PCYT1B: variants seen among roughly 807,000 people sequenced by gnomAD.
The protein encoded by PCYT1B is choline-phosphate cytidylyltransferase B.
PCYT1B carries 10 observed loss-of-function variants against 26.4 expected under a neutral mutation model. The ratio of observed to expected loss-of-function variants is 0.38; its 90% CI spans 0.23 to 0.64. PCYT1B has a LOEUF of 0.64. PCYT1B is among the 30% of genes least tolerant of loss of function. The pLI, the probability that PCYT1B is intolerant of heterozygous loss-of-function variation, is 0.56. For synonymous variants in PCYT1B, 131 were observed against 108.4 expected (o/e 1.21, Z -1.29); for missense variants, 161 against 292.7 (o/e 0.55, Z 3.28).
intron 2 of PCYT1B, among the ~76,000 whole-genome samples, chrX:24,611,263 T>C (rs933911643): frequency 1.8e-5 from 2 of 111,354 alleles, no homozygotes; most frequent in East Asian, 5.6e-4. Context: ...GTGTTTGAAA[T>C]ACTCTATAAT....
At chrX:24,626,747 A>C (rs1200553251) in intron 1 of PCYT1B, among the ~76,000 whole-genome samples, 2 of 111,943 alleles carry the variant, frequency 1.8e-5, no homozygotes, top group Non-Finnish European at 3.8e-5. Flanking sequence ...AGCTTTAAAA[A>C]ATTTTTAAAT....
At chrX:24,600,104 G>C (rs1924911546) in intron 3 of PCYT1B, among the ~76,000 whole-genome samples, 1 of 110,879 alleles carries the variant, frequency 9.0e-6, no homozygotes, top group South Asian at 3.8e-4. Context: ...GTTTCATCAT[G>C]TTGGCCAGGC....
chrX:24,638,671 C>G lies in PCYT1B; in HGVS notation c.117+8318G>C, dbSNP rs756603853. Among the ~76,000 whole-genome samples the G allele has an allele frequency of 3.6e-5, 4 of 111,505 alleles. No individual in the cohort carries two copies. The Admixed American group carries it at 3.8e-4, about 11-fold the overall frequency. Reference sequence around the variant, plus strand: ...TATTTCCCTAACAGTCACTGAGAAGCTTTGTGTGGGGCACCAGCTAAAGAT... The same window carrying G: ...TATTTCCCTAACAGTCACTGAGAAGGTTTGTGTGGGGCACCAGCTAAAGAT... On this transcript the variant is annotated intron_variant, in intron 1 of 7. Transcript: ENST00000379144.
At chrX:24,648,151 C>T (rs1361031409), upstream of PCYT1B, among the ~76,000 whole-genome samples, 1 of 111,807 alleles carries the variant, frequency 8.9e-6, no homozygotes, top group Non-Finnish European at 1.9e-5. Flanking sequence ...GGAATGTTAA[C>T]GATCAGGTGC....
At chrX:24,580,411 A>G (rs1924169294) in intron 5 of PCYT1B, among the ~76,000 whole-genome samples, 1 of 112,218 alleles carries the variant, frequency 8.9e-6, no homozygotes, top group African/African-American at 3.2e-5. Context: ...AAGGAAAAGA[A>G]GAAAAAGTGT....
At chrX:24,620,256 A>C (rs1002762141) in intron 1 of PCYT1B, among the ~76,000 whole-genome samples, 2 of 112,266 alleles carry the variant, frequency 1.8e-5, no homozygotes, top group Non-Finnish European at 3.8e-5. Flanking sequence ...TGGGGATAGA[A>C]GTAGGGATAA....
chrX:24,654,749 CA>C (rs574317952), intron 1 of PCYT1B, among the ~76,000 whole-genome samples: 4,828 of 39,572 alleles, frequency 0.12, 51 homozygotes, highest in African/African-American at 0.15. Context: ...GACCCTGTCT[CA>C]AAAAAAAAAA....
chrX:24,612,140 G>A (rs1214018811), intron 2 of PCYT1B, among the ~76,000 whole-genome samples: 1 of 112,667 alleles, frequency 8.9e-6, no homozygotes, highest in African/African-American at 3.2e-5. Context: ...TCTAGGAGCT[G>A]AGGGTGGCCT....
rs1337289759 is a variant in PCYT1B, at chrX:24,629,576, AAAAAAAAAAAAAAAC to A, written c.118-10507_118-10493del. ...CCCTGTCTCAAAAAAAAAAAAAAAA[AAAAAAAAAAAAAAAC>A]AACACGTATTTTCCAACTTTATTTA... On this transcript the variant is annotated intron_variant, in intron 1 of 7. Coordinates refer to ENST00000379144, the MANE Select transcript of PCYT1B (RefSeq NM_004845.5). Among the ~76,000 whole-genome samples the A allele has an allele frequency of 9.9e-3, 1,006 of 101,466 alleles. 11 individuals carry two copies. The highest frequency in any genetic ancestry group is 0.015 in the Non-Finnish European group (757 of 49,824). 88.1% of individuals were successfully genotyped at this position (101,466 alleles called of 115,157 possible).
intron 1 of PCYT1B, among the ~76,000 whole-genome samples, chrX:24,666,779 T>G (rs1179078442): frequency 2.7e-5 from 3 of 111,523 alleles, no homozygotes; most frequent in African/African-American, 9.8e-5. Flanking sequence ...CAAAATTAAT[T>G]TTATGCCAGT....
At chrX:24,639,430 T>G (rs1469931768) in intron 1 of PCYT1B, among the ~76,000 whole-genome samples, 1 of 111,952 alleles carries the variant, frequency 8.9e-6, no homozygotes, top group Non-Finnish European at 1.9e-5. Flanking sequence ...CAGCTCTCCC[T>G]GGCCAGATCT....
At position 24,637,509 on chromosome X, in the gene PCYT1B, T is replaced by TATATATATATATATATAAAA. The variant is rs779316769; in HGVS notation, c.117+9479_117+9480insTTTTATATATATATATATAT. 1.2e-4 allele frequency among the ~76,000 whole-genome samples: 8 copies of TATATATATATATATATAAAA among 64,062 alleles called. 1 individual carries two copies. The East Asian group carries it at 4.0e-3, about 32-fold the overall frequency. The allele number at this position is 64,062 out of a possible 115,157, so 55.6% of individuals were successfully genotyped here. ...AAAAAAAAATATATATATATATATA[T>TATATATATATATATATAAAA]ATAAATTAGCTGAGCGTGGTGGCGT... On this transcript the variant is annotated intron_variant, in intron 1 of 7. Coordinates refer to ENST00000379144, the MANE Select transcript of PCYT1B (RefSeq NM_004845.5).
intron 2 of PCYT1B, among the ~76,000 whole-genome samples, chrX:24,614,516 C>T (rs373160481): frequency 8.1e-5 from 9 of 110,993 alleles, no homozygotes; most frequent in African/African-American, 1.3e-4. Flanking sequence ...GCCAACATGG[C>T]GAAACCAGCT....
At chrX:24,594,896 G>A (rs903345107) in intron 3 of PCYT1B, among the ~76,000 whole-genome samples, 1 of 111,149 alleles carries the variant, frequency 9.0e-6, no homozygotes, top group African/African-American at 3.3e-5. Context: ...AACAGACTCG[G>A]GTTCTAATCC....
At chrX:24,598,716 A>C (rs1924867650) in intron 3 of PCYT1B, among the ~76,000 whole-genome samples, 1 of 112,247 alleles carries the variant, frequency 8.9e-6, no homozygotes, top group African/African-American at 3.2e-5. Flanking sequence ...TCTATTTTAC[A>C]TAATCCATTC....
intron 7 of PCYT1B, among the ~76,000 whole-genome samples, chrX:24,571,921 C>T (rs915474832): frequency 9.0e-5 from 10 of 111,168 alleles, no homozygotes; most frequent in African/African-American, 3.0e-4. Flanking sequence ...GCACTCCAGC[C>T]TGGGCAACAG....
intron 2 of PCYT1B, among the ~76,000 whole-genome samples, chrX:24,608,635 A>G (rs989316299): frequency 2.7e-5 from 3 of 111,556 alleles, no homozygotes; most frequent in Non-Finnish European, 5.7e-5. Context: ...GAGGTCACAC[A>G]GACAGTGGCA....
Position 24,647,179 on chromosome X carries a change from C to T in PCYT1B, c.-74G>A, listed in dbSNP as rs1164695110. On this transcript the variant is annotated 5_prime_UTR_variant, in exon 1 of 8. In the 5' UTR this introduces an upstream ATG that the reference lacks. Transcript: ENST00000379144. ...CAGGCAGAGAATGTTTTCTTTGTCA[C>T]GTATTTTTCTCCCCTCTACCCTCCA... 2.6e-6 allele frequency: 3 copies of T among 1,158,549 alleles called. No homozygotes were observed. Among genetic ancestry groups the T allele is most frequent in the African/African-American group, 1.8e-5 (1 of 55,833 alleles).
chrX:24,652,395 C>A (rs1362368423), intron 1 of PCYT1B, among the ~76,000 whole-genome samples: 2 of 109,817 alleles, frequency 1.8e-5, no homozygotes, highest in African/African-American at 6.6e-5. Context: ...CCCGTCCCTA[C>A]TAAAAATACA....
Sources: allele counts gnomAD v4.1 joint callset (sites outside exome capture counted in the v4.1 genomes callset), GRCh38; gene constraint gnomAD v4.1.1; transcripts MANE v1.5; gene names NCBI Gene and HGNC (gene_info 2026-07-23, HGNC 2026-07-21).